Variants in POLE2 observed in about 807,000 individuals in gnomAD.
POLE2 encodes the protein DNA polymerase epsilon 2, accessory subunit.
POLE2 carries 56 observed loss-of-function variants against 79.4 expected under a neutral mutation model. The ratio of observed to expected loss-of-function variants is 0.71; its 90% confidence interval spans 0.57 to 0.88. The LOEUF (loss-of-function observed/expected upper bound fraction) is 0.88. POLE2 is among the 40% of genes least tolerant of loss of function. The probability of loss-of-function intolerance (pLI) is 0.00; values close to 1 mark genes in which losing one functional copy is unlikely to be tolerated. For missense variants in POLE2, 598 were observed against 638.9 expected (o/e 0.94, Z 0.69); for synonymous variants, 212 against 214.0 (o/e 0.99, Z 0.08).
intron 18 of POLE2, among the ~76,000 whole-genome samples, chr14:49,644,758 G>C (rs914920347): frequency 6.6e-6 from 1 of 151,754 alleles, no homozygotes; most frequent in Non-Finnish European, 1.5e-5. Flanking sequence ...GCAGTAAAAA[G>C]GCTGGGCGCA....
chr14:49,666,261 A>G (rs1885483884), intron 7 of POLE2, 69 bp downstream of exon 7: 1 of 790,590 alleles, frequency 1.3e-6, no homozygotes, highest in Non-Finnish European at 2.1e-6. Flanking sequence ...CCACTACAAA[A>G]ATGTTCTATG....
chr14:49,643,695 T>C (rs760144504), intron 18 of POLE2, 25 bp from the exon 19 acceptor site: 1 of 1,236,822 alleles, frequency 8.1e-7, no homozygotes, highest in South Asian at 1.3e-5. Flanking sequence ...AAAAATTAAA[T>C]ATTTGGAAAC....
intron 7 of POLE2, 53 bp from the exon 8 acceptor site, chr14:49,665,216 G>T: frequency 2.6e-6 from 2 of 768,400 alleles, no homozygotes; most frequent in South Asian, 3.1e-5. Context: ...GAAAACCGTT[G>T]ACAAAAAAAT....
chr14:49,666,268 T>C (rs1447743788), intron 7 of POLE2, 62 bp downstream of exon 7: 4 of 822,926 alleles, frequency 4.9e-6, no homozygotes, highest in South Asian at 1.5e-5. Flanking sequence ...AAAAATGTTC[T>C]ATGTAACCGA....
At chr14:49,665,894 T>G (rs1239035850) in intron 7 of POLE2, among the ~76,000 whole-genome samples, 1 of 152,138 alleles carries the variant, frequency 6.6e-6, no homozygotes, top group Non-Finnish European at 1.5e-5. Flanking sequence ...TGGCACCATC[T>G]CAGCTCACTA....
rs1469332669 is a variant in POLE2, at chr14:49,681,392, C to T, written c.170-1592G>A. ...GACTGCAAATCATAAAAAACTGGAACAGAGGTTTAGTTCATGTATTGGTGG... is the reference window on the plus strand; with the variant it reads ...GACTGCAAATCATAAAAAACTGGAATAGAGGTTTAGTTCATGTATTGGTGG... On this transcript the variant is annotated intron_variant, in intron 2 of 18. Transcript: ENST00000216367. 5.8e-4 allele frequency: 107 copies of T among 183,828 alleles called. 1 individual carries two copies. The highest frequency in any genetic ancestry group is 2.4e-5 in the Non-Finnish European group (2 of 83,844). The allele number at this position is 183,828 out of a possible 1,614,324, so 11.4% of individuals were successfully genotyped here. A position where few individuals can be genotyped will look rare whatever the true frequency, so the allele number is the denominator to read the frequency against.
chr14:49,647,161 C>A, intron 18 of POLE2, 132 bp downstream of exon 18: 1 of 575,264 alleles, frequency 1.7e-6, no homozygotes, highest in East Asian at 3.3e-5. Context: ...GTGATAAGCT[C>A]AGCCAATAAT....
Position 49,655,104 on chromosome 14 carries a change from A to G in POLE2, c.929-10T>C. ...GGTGCTGGTGAATAACCTAAACAAT[A>G]AAAGAGTAAATGAACAATACTTTTC... On this transcript the variant is annotated splice_polypyrimidine_tract_variant and intron_variant, in intron 11 of 18. Coordinates refer to ENST00000216367, the MANE Select transcript of POLE2 (RefSeq NM_002692.4). 1.4e-6 allele frequency: 2 copies of G among 1,399,816 alleles called. No homozygotes were observed. The highest frequency in any genetic ancestry group is 1.9e-6 in the Non-Finnish European group (2 of 1,030,248). 86.7% of individuals were successfully genotyped at this position (1,399,816 alleles called of 1,614,324 possible). A position where few individuals can be genotyped will look rare whatever the true frequency, so the allele number is the denominator to read the frequency against.
chr14:49,669,292 G>C (rs1353885549), intron 6 of POLE2, among the ~76,000 whole-genome samples: 1 of 152,150 alleles, frequency 6.6e-6, no homozygotes, highest in Non-Finnish European at 1.5e-5. Context: ...AGTGTATCTG[G>C]GGCTAGCATC....
rs1400029772 is a variant in POLE2, at chr14:49,651,188, G to C, written c.1320+81C>G. On this transcript the variant is annotated intron_variant, in intron 16 of 18. Coordinates refer to ENST00000216367, the MANE Select transcript of POLE2 (RefSeq NM_002692.4). ...ACCATAAATAAATGTCCTAACCCAA[G>C]GACAAATTATTAAGTGGCTTAATAA... 23 of 647,664 alleles carry C rather than the reference G, an allele frequency of 3.6e-5. No individual in the cohort carries two copies. The Middle Eastern group carries it at 1.6e-3, about 45-fold the overall frequency. The allele number at this position is 647,664 out of a possible 1,614,324, so 40.1% of individuals were successfully genotyped here.
intron 18 of POLE2, among the ~76,000 whole-genome samples, chr14:49,644,144 AGT>A (rs1459428090): frequency 6.6e-6 from 1 of 150,530 alleles, no homozygotes; most frequent in Admixed American, 6.6e-5. Flanking sequence ...CCTCCCAAAA[AGT>A]GCTAGGATTA....
intron 11 of POLE2, 116 bp downstream of exon 11, chr14:49,655,555 G>T: frequency 8.4e-6 from 6 of 715,336 alleles, no homozygotes; most frequent in South Asian, 3.7e-5. Flanking sequence ...TTATCTCATT[G>T]CTAACTCTGT....
intron 5 of POLE2, among the ~76,000 whole-genome samples, chr14:49,672,452 G>T (rs1348673894): frequency 6.7e-6 from 1 of 150,190 alleles, no homozygotes; most frequent in Non-Finnish European, 1.5e-5. Flanking sequence ...TTGTGCTTCT[G>T]CCATATAACA....
intron 17 of POLE2, among the ~76,000 whole-genome samples, chr14:49,648,996 C>A (rs918866851): frequency 6.6e-6 from 1 of 151,858 alleles, no homozygotes; most frequent in African/African-American, 2.4e-5. Flanking sequence ...TTAGTAAAGT[C>A]TAAAATTCAC....
chr14:49,666,456 C>G (rs777122332), intron 6 of POLE2, 43 bp from the exon 7 acceptor site: 1 of 858,618 alleles, frequency 1.2e-6, no homozygotes, highest in Non-Finnish European at 1.7e-6. Context: ...TAAATATATT[C>G]TTTCAAGAAA....
At chr14:49,677,624 G>C (rs974175688) in intron 3 of POLE2, 2 of 605,594 alleles carry the variant, frequency 3.3e-6, no homozygotes, top group African/African-American at 1.9e-5. Flanking sequence ...TGAACAGACT[G>C]ATGTCTGGTC....
chr14:49,667,589 C>T (rs1454332695), intron 6 of POLE2, among the ~76,000 whole-genome samples: 1 of 150,896 alleles, frequency 6.6e-6, no homozygotes. Context: ...TTCACATTGC[C>T]CAGGCTGGAG....
chr14:49,675,155 G>C (rs1886180777), intron 3 of POLE2, among the ~76,000 whole-genome samples: 1 of 151,330 alleles, frequency 6.6e-6, no homozygotes, highest in African/African-American at 2.4e-5. Flanking sequence ...CTCGATCGTG[G>C]CTCACCACAA....
In POLE2 at chr14:49,650,372, C is replaced by A. The variant is rs759374420; in HGVS notation, c.1390G>T (p.Ala464Ser). 1 of 1,604,764 alleles carries A rather than the reference C, an allele frequency of 6.2e-7. No homozygotes were observed. Among genetic ancestry groups the A allele is most frequent in the African/African-American group, 1.3e-5 (1 of 74,598 alleles). Residue 464 changes from alanine to serine, a missense_variant, in exon 17 of 19, where the codon GCA becomes TCA. Physicochemically the swap from Ala to Ser is moderately conservative, Grantham distance 99. Coordinates refer to ENST00000216367, the MANE Select transcript of POLE2 (RefSeq NM_002692.4). ...LPLYVCPVYW[A>S]YDYALRVYPV... ...TACACTCTCAAAGCATAGTCATATGCCCAATACACTGGGCAGACATAAAGA... is the reference window on the plus strand; with the variant it reads ...TACACTCTCAAAGCATAGTCATATGACCAATACACTGGGCAGACATAAAGA...
Sources: gnomAD v4.1 joint callset for allele counts (sites outside exome capture counted in the v4.1 genomes callset) on GRCh38, gnomAD v4.1.1 for gene constraint, MANE v1.5 for transcripts, NCBI Gene and HGNC (gene_info 2026-07-23, HGNC 2026-07-21) for gene names.